AGAP1: variants seen among roughly 807,000 people sequenced by gnomAD.
AGAP1 encodes the protein ArfGAP with GTPase domain, ankyrin repeat and PH domain 1, also known as arf-GAP with GTPase, ANK repeat and PH domain-containing protein 1.
In AGAP1, 29 loss-of-function variants were observed where a neutral mutation model predicts 105.3. The ratio of observed to expected loss-of-function variants is 0.28; its 90% CI spans 0.21 to 0.38. AGAP1 has a LOEUF of 0.38. AGAP1 is among the 10% of genes least tolerant of loss of function. The pLI is 1.00. For missense variants in AGAP1, 998 were observed against 1,165.1 expected (o/e 0.86, Z 2.09); for synonymous variants, 509 against 485.9 (o/e 1.05, Z -0.63).
At chr2:236,069,378 T>C (rs2058437733) in intron 16 of AGAP1, among the ~76,000 whole-genome samples, 1 of 152,192 alleles carries the variant, frequency 6.6e-6, no homozygotes, top group South Asian at 2.1e-4. Context: ...ATGGTAAGTA[T>C]ATGCATTATT....
chr2:235,636,252 A>G (rs1946998713), intron 1 of AGAP1, among the ~76,000 whole-genome samples: 1 of 152,136 alleles, frequency 6.6e-6, no homozygotes, highest in Admixed American at 6.6e-5. Flanking sequence ...CAGCGAGTGC[A>G]GGGCCTTTAT....
At chr2:235,726,915 TGAG>T (rs1211377933) in intron 3 of AGAP1, among the ~76,000 whole-genome samples, 1 of 152,186 alleles carries the variant, frequency 6.6e-6, no homozygotes, top group Non-Finnish European at 1.5e-5. Flanking sequence ...CTGAAGTTCT[TGAG>T]GAGCCCTCTC....
chr2:235,727,558 A>T (rs542414185), intron 3 of AGAP1, among the ~76,000 whole-genome samples: 1 of 152,264 alleles, frequency 6.6e-6, no homozygotes, highest in Non-Finnish European at 1.5e-5. Flanking sequence ...TTTGCTTCTT[A>T]ATCTCCAATG....
At position 236,105,666 on chromosome 2, in the gene AGAP1, CCGCGTT is replaced by C. The variant is rs1344922922; in HGVS notation, c.2115-14524_2115-14519del. 2.0e-4 allele frequency among the ~76,000 whole-genome samples: 12 copies of C among 59,078 alleles called. No individual in the cohort carries two copies. Among genetic ancestry groups the C allele is most frequent in the Admixed American group, 1.4e-3 (9 of 6,226 alleles). 38.8% of individuals were successfully genotyped at this position (59,078 alleles called of 152,430 possible). A position where few individuals can be genotyped will look rare whatever the true frequency, so the allele number is the denominator to read the frequency against. ...CGCCTCCCGGGTTCACACCATTCTC[CCGCGTT>C]CACGCCATTCTCCCGCGTTCACGCC... On this transcript the variant is annotated intron_variant, in intron 16 of 17. Coordinates refer to ENST00000304032, the MANE Select transcript of AGAP1 (RefSeq NM_001037131.3). This position sits in a 1 kb window ranked among gnomAD's most constrained non-coding sequence, Gnocchi z 4.2.
intron 6 of AGAP1, among the ~76,000 whole-genome samples, chr2:235,796,203 C>A (rs1957235551): frequency 6.6e-6 from 1 of 152,214 alleles, no homozygotes; most frequent in Non-Finnish European, 1.5e-5. Flanking sequence ...TACTTTAGCA[C>A]TCACCCAGGC....
chr2:235,703,753 T>A (rs1354022648), intron 1 of AGAP1, among the ~76,000 whole-genome samples: 3 of 152,038 alleles, frequency 2.0e-5, no homozygotes, highest in Admixed American at 2.0e-4. Context: ...CCTGCCACCA[T>A]GCCCGGCTAA....
At chr2:235,686,588 C>T (rs190612335) in intron 1 of AGAP1, among the ~76,000 whole-genome samples, 2,674 of 108,386 alleles carry the variant, frequency 0.025, 147 homozygotes, top group African/African-American at 0.083. Context: ...CACACACACA[C>T]GTGTGTGTGT....
In AGAP1 at chr2:235,993,210, C is replaced by T. The variant is rs1329770473; in HGVS notation, c.1645+24587C>T. On this transcript the variant is annotated intron_variant, in intron 13 of 17. Transcript: ENST00000304032. This position sits in a 1 kb window ranked among gnomAD's most constrained non-coding sequence, Gnocchi z 5.0. ...TGTTTGTGGGGAGGAGGGTGATTTGCAGTGATCTTTTCCTCAACTCAGGCC... is the reference window on the plus strand; with the variant it reads ...TGTTTGTGGGGAGGAGGGTGATTTGTAGTGATCTTTTCCTCAACTCAGGCC... Among the ~76,000 whole-genome samples, 1 of 152,166 alleles carries T rather than the reference C, an allele frequency of 6.6e-6. No homozygotes were observed. The highest frequency in any genetic ancestry group is 1.5e-5 in the Non-Finnish European group (1 of 68,032).
At chr2:235,776,643 C>T (rs769923571) in intron 6 of AGAP1, among the ~76,000 whole-genome samples, 4 of 152,172 alleles carry the variant, frequency 2.6e-5, no homozygotes, top group African/African-American at 7.2e-5. Context: ...TCCCAGTGGG[C>T]GTCACTCGCT....
chr2:235,850,988 A>G (rs570345220), intron 9 of AGAP1, among the ~76,000 whole-genome samples: 2 of 152,294 alleles, frequency 1.3e-5, no homozygotes, highest in East Asian at 1.9e-4. Flanking sequence ...CCCACTGTAC[A>G]CAGCCTCCCT....
intron 1 of AGAP1, among the ~76,000 whole-genome samples, chr2:235,568,276 G>A (rs1944410947): frequency 6.6e-6 from 1 of 152,228 alleles, no homozygotes; most frequent in Non-Finnish European, 1.5e-5. Flanking sequence ...CTTGCAGGTT[G>A]ATGAGCAGCT....
At chr2:235,595,637 G>A (rs112097919) in intron 1 of AGAP1, among the ~76,000 whole-genome samples, 1 of 152,190 alleles carries the variant, frequency 6.6e-6, no homozygotes, top group South Asian at 2.1e-4. Flanking sequence ...AGTGAGATGC[G>A]TAAACAAACT....
intron 1 of AGAP1, among the ~76,000 whole-genome samples, chr2:235,667,161 G>C (rs567744100): frequency 6.6e-6 from 1 of 152,146 alleles, no homozygotes; most frequent in South Asian, 2.1e-4. Context: ...TCTCTCCCTC[G>C]CTGTCTTTCT....
At chr2:236,070,572 A>G (rs1489035786) in intron 16 of AGAP1, among the ~76,000 whole-genome samples, 3 of 152,254 alleles carry the variant, frequency 2.0e-5, no homozygotes, top group Non-Finnish European at 4.4e-5. Flanking sequence ...GAATGCATAA[A>G]CAAAATATGG....
intron 9 of AGAP1, among the ~76,000 whole-genome samples, chr2:235,819,466 G>A (rs1310570911): frequency 6.6e-6 from 1 of 152,064 alleles, no homozygotes; most frequent in Non-Finnish European, 1.5e-5. Context: ...TAATCCAGGA[G>A]CCACACTTTG....
chr2:235,571,060 T>C (rs1944496163), intron 1 of AGAP1, among the ~76,000 whole-genome samples: 1 of 152,196 alleles, frequency 6.6e-6, no homozygotes, highest in African/African-American at 2.4e-5. Context: ...ACGTTTCACA[T>C]GGTTGGAGTA....
At chr2:236,032,490 G>A (rs929753543) in intron 13 of AGAP1, among the ~76,000 whole-genome samples, 2 of 152,182 alleles carry the variant, frequency 1.3e-5, no homozygotes, top group African/African-American at 4.8e-5. Flanking sequence ...GGGGGTCAGT[G>A]AGAAAGAAGA....
chr2:235,675,821 C>A (rs746442715), intron 1 of AGAP1, among the ~76,000 whole-genome samples: 5 of 152,140 alleles, frequency 3.3e-5, no homozygotes, highest in Non-Finnish European at 5.9e-5. Flanking sequence ...CAAGTTTCAG[C>A]ATAGGTCACC....
intron 9 of AGAP1, among the ~76,000 whole-genome samples, chr2:235,823,384 C>T (rs527320853): frequency 6.6e-6 from 1 of 152,290 alleles, no homozygotes; most frequent in South Asian, 2.1e-4. Context: ...AACCTCCTGC[C>T]TTATCCTCTC....
Sources: allele counts gnomAD v4.1 joint callset (sites outside exome capture counted in the v4.1 genomes callset), GRCh38; gene constraint gnomAD v4.1.1; non-coding constraint Gnocchi (gnomAD v3.1); transcripts MANE v1.5; gene names NCBI Gene and HGNC (gene_info 2026-07-23, HGNC 2026-07-21).